HIVEP2: variants seen among roughly 807,000 people sequenced by gnomAD.
HIVEP2 encodes the protein HIVEP zinc finger 2, also known as transcription factor HIVEP2.
A neutral mutation model predicts 180.7 loss-of-function variants in HIVEP2; 14 were observed. That is an observed-to-expected ratio of 0.08 (90% CI 0.05 to 0.12). The LOEUF is 0.12. Ranked by LOEUF, HIVEP2 falls within the 10% of genes least tolerant of loss-of-function variation. The pLI is 1.00. For synonymous variants in HIVEP2, 1,184 were observed against 1,136.4 expected (o/e 1.04, Z -0.84); for missense variants, 2,579 against 3,008.5 (o/e 0.86, Z 3.34).
At chr6:142,920,922 G>A (rs988153170) in intron 1 of HIVEP2, among the ~76,000 whole-genome samples, 3 of 152,200 alleles carry the variant, frequency 2.0e-5, no homozygotes, top group Admixed American at 6.5e-5. Context: ...GGTAGAGGCT[G>A]TAGTGAGCTA....
chr6:142,849,852 T>C (rs1423207388), intron 1 of HIVEP2, among the ~76,000 whole-genome samples: 1 of 151,982 alleles, frequency 6.6e-6, no homozygotes, highest in Non-Finnish European at 1.5e-5. Flanking sequence ...TCTGAAAAGC[T>C]ACAGAGAGTG....
intron 1 of HIVEP2, among the ~76,000 whole-genome samples, chr6:142,888,428 C>A (rs534682318): frequency 1.3e-5 from 2 of 152,148 alleles, no homozygotes; most frequent in African/African-American, 2.4e-5. Flanking sequence ...TGTCCAGCCA[C>A]AGATTCTGCT....
chr6:142,935,473 C>T (rs948757630), intron 1 of HIVEP2, among the ~76,000 whole-genome samples: 11 of 152,064 alleles, frequency 7.2e-5, no homozygotes, highest in South Asian at 2.1e-4. Flanking sequence ...CGTTTGAGCC[C>T]GGTAGTCGGA....
intron 2 of HIVEP2, among the ~76,000 whole-genome samples, chr6:142,830,867 A>G (rs1455097473): frequency 1.3e-5 from 2 of 152,006 alleles, no homozygotes; most frequent in African/African-American, 4.8e-5. Context: ...ACATCCACAC[A>G]AGCTCACCCT....
chr6:142,767,884 C>T (rs1775414080), intron 6 of HIVEP2, among the ~76,000 whole-genome samples: 1 of 152,096 alleles, frequency 6.6e-6, no homozygotes, highest in Admixed American at 6.5e-5. Flanking sequence ...TGACTTGGAT[C>T]CTGGGACAGA....
Position 142,770,533 on chromosome 6 carries a change from C to A in HIVEP2, c.4206G>T (p.Glu1402Asp). The A allele has an allele frequency of 6.2e-7, 1 of 1,614,200 alleles. No individual in the cohort carries two copies. The highest frequency in any genetic ancestry group is 8.5e-7 in the Non-Finnish European group (1 of 1,180,044). ...GAGGTGCTTTCCAAATGGGGTACTT[C>A]TCCAAGCCCGCATGCTGCCCCAGCA... is the stretch of plus-strand genomic sequence containing the variant. ...AQVLGQHAGLEKYPIWKAPQT... is the reference protein window; with the variant it reads ...AQVLGQHAGLDKYPIWKAPQT... The change falls in exon 5 of 10, where the codon GAG becomes GAT. Residue 1402 changes from glutamate (E) to aspartate (D), a missense_variant. By Grantham distance (45) the Glu-to-Asp change is conservative. Coordinates refer to ENST00000367603, the MANE Select transcript of HIVEP2 (RefSeq NM_006734.4). The surrounding 1 kb of genome is among the most constrained non-coding windows in gnomAD (Gnocchi z 4.7).
intron 1 of HIVEP2, among the ~76,000 whole-genome samples, chr6:142,883,195 GAGAA>G (rs1156593704): frequency 6.6e-6 from 1 of 151,990 alleles, no homozygotes; most frequent in Non-Finnish European, 1.5e-5. Flanking sequence ...CACATGGAGA[GAGAA>G]AGGGGGGAAA....
chr6:142,931,338 A>G (rs1274341330), intron 1 of HIVEP2, among the ~76,000 whole-genome samples: 3 of 151,820 alleles, frequency 2.0e-5, no homozygotes, highest in Non-Finnish European at 2.9e-5. Flanking sequence ...TTAAATGCAT[A>G]CAAGTACTTC....
chr6:142,828,362 C>T (rs1774971021), intron 2 of HIVEP2, among the ~76,000 whole-genome samples: 1 of 152,152 alleles, frequency 6.6e-6, no homozygotes, highest in Non-Finnish European at 1.5e-5. Flanking sequence ...AGAATTAATG[C>T]CACTCTCTCG....
intron 1 of HIVEP2, among the ~76,000 whole-genome samples, chr6:142,872,034 C>T (rs999349233): frequency 5.3e-5 from 8 of 152,106 alleles, no homozygotes; most frequent in African/African-American, 1.7e-4. Flanking sequence ...TGAATCACTG[C>T]CATTACCCGA....
At chr6:142,785,174 C>A (rs1265370167) in intron 2 of HIVEP2, among the ~76,000 whole-genome samples, 1 of 151,844 alleles carries the variant, frequency 6.6e-6, no homozygotes, top group Non-Finnish European at 1.5e-5. Context: ...CAGGCGTGAG[C>A]CACCGTGCCC....
At chr6:142,929,718 A>G (rs1348438865) in intron 1 of HIVEP2, among the ~76,000 whole-genome samples, 1 of 152,232 alleles carries the variant, frequency 6.6e-6, no homozygotes. Context: ...TCCCAAACTA[A>G]CCATTTTAAA....
intron 1 of HIVEP2, among the ~76,000 whole-genome samples, chr6:142,862,502 C>T (rs1776010258): frequency 8.4e-6 from 1 of 118,744 alleles, no homozygotes; most frequent in African/African-American, 4.6e-5. Flanking sequence ...TTATATGTAT[C>T]ATATATTTTA....
chr6:142,823,352 C>T (rs561081604), intron 2 of HIVEP2, among the ~76,000 whole-genome samples: 27 of 152,304 alleles, frequency 1.8e-4, no homozygotes, highest in Non-Finnish European at 3.5e-4. Context: ...CCCGCGACAA[C>T]GGTTTAAGCC....
intron 1 of HIVEP2, among the ~76,000 whole-genome samples, chr6:142,894,355 A>G (rs562712397): frequency 6.6e-6 from 1 of 152,318 alleles, no homozygotes; most frequent in African/African-American, 2.4e-5. Context: ...CTAACATAGC[A>G]TAATACCTAC....
At chr6:142,868,073 T>A (rs1776186287) in intron 1 of HIVEP2, among the ~76,000 whole-genome samples, 1 of 152,142 alleles carries the variant, frequency 6.6e-6, no homozygotes, top group African/African-American at 2.4e-5. Flanking sequence ...AAAGATCACA[T>A]TGCAAGTCAG....
intron 2 of HIVEP2, among the ~76,000 whole-genome samples, chr6:142,802,420 C>T (rs991559491): frequency 1.1e-4 from 17 of 152,020 alleles, no homozygotes; most frequent in African/African-American, 3.9e-4. Flanking sequence ...GTTTGGTAAA[C>T]AGCCAGCCAG....
At chr6:142,846,810 A>G (rs990309385) in intron 1 of HIVEP2, among the ~76,000 whole-genome samples, 1 of 151,474 alleles carries the variant, frequency 6.6e-6, no homozygotes, top group Non-Finnish European at 1.5e-5. Context: ...CAAACTAAGG[A>G]AAAAAAAACC....
rs1470100759 is a variant in HIVEP2 at position 142,751,632 on chromosome 6, C to A, written c.*1475G>T. The A allele has an allele frequency of 6.6e-6, 1 of 152,574 alleles. No individual in the cohort carries two copies. Among genetic ancestry groups the A allele is most frequent in the Non-Finnish European group, 1.5e-5 (1 of 68,066 alleles). The allele number at this position is 152,574 out of a possible 1,614,324, so 9.5% of individuals were successfully genotyped here. On this transcript the variant is annotated 3_prime_UTR_variant, in exon 10 of 10. Transcript: ENST00000367603. ...GTGCGTGCCTGTGCACATGTTGCTGCACCCCTCCCTCTCTTTCACTCTTCT... is the reference window on the plus strand; with the variant it reads ...GTGCGTGCCTGTGCACATGTTGCTGAACCCCTCCCTCTCTTTCACTCTTCT...
Sources: allele counts gnomAD v4.1 joint callset (sites outside exome capture counted in the v4.1 genomes callset), GRCh38; gene constraint gnomAD v4.1.1; non-coding constraint Gnocchi (gnomAD v3.1); transcripts MANE v1.5; gene names NCBI Gene and HGNC (gene_info 2026-07-23, HGNC 2026-07-21).